TMPO: variants seen among roughly 807,000 people sequenced by gnomAD.
TMPO encodes the protein thymopoietin.
Under a neutral mutation model 45.4 loss-of-function variants are expected in TMPO, and 22 were observed. The observed-to-expected ratio is 0.48, with a 90% confidence interval of 0.35 to 0.69. The LOEUF (loss-of-function observed/expected upper bound fraction) is 0.69. Among genes scored for constraint, TMPO ranks in the 30% least tolerant of loss-of-function variants. The pLI, the probability that TMPO is intolerant of heterozygous loss-of-function variation, is 0.01. For missense variants in TMPO, 512 were observed against 548.8 expected (o/e 0.93, Z 0.67); for synonymous variants, 241 against 204.1 (o/e 1.18, Z -1.54).
rs1877441465 is a variant in TMPO at position 98,534,409 on chromosome 12, G to A, written c.565+2571G>A. 1.9e-6 allele frequency: 3 copies of A among 1,599,056 alleles called. No homozygotes were observed. The Admixed American group carries it at 5.0e-5, about 27-fold the overall frequency. On this transcript the variant is annotated intron_variant, in intron 3 of 8. Coordinates refer to ENST00000556029, the MANE Select transcript of TMPO (RefSeq NM_001032283.3). ...ACTTTATGCCAACATTTTCTTTTCT[G>A]TTAAGGTTGTTTTAGTTTCCAGATA... is the stretch of plus-strand genomic sequence containing the variant.
chr12:98,533,383 G>A, intron 3 of TMPO: 2 of 1,614,188 alleles, frequency 1.2e-6, no homozygotes, highest in Non-Finnish European at 1.7e-6. Context: ...ACTTGCCCAG[G>A]CAATCAGAGA....
chr12:98,515,635 G>T lies in TMPO; in HGVS notation c.-233G>T. ...TGCCTGTAGTGTGTGGGCTGGGGTT[G>T]GTGCGAGCTTCCAGCTTGGCCGCAG... On this transcript the variant is annotated 5_prime_UTR_variant, in exon 1 of 9. Transcript: ENST00000556029. 1.3e-6 allele frequency: 1 copy of T among 745,530 alleles called. No homozygotes were observed. The highest frequency in any genetic ancestry group is 2.1e-6 in the Non-Finnish European group (1 of 468,060). The allele number at this position is 745,530 out of a possible 1,614,324, so 46.2% of individuals were successfully genotyped here. A position where few individuals can be genotyped will look rare whatever the true frequency, so the allele number is the denominator to read the frequency against.
intron 1 of TMPO, among the ~76,000 whole-genome samples, chr12:98,520,262 C>T (rs1186754546): frequency 2.1e-5 from 3 of 143,696 alleles, no homozygotes; most frequent in East Asian, 2.1e-4. Context: ...GCCCGGCCAA[C>T]CATATTTTTC....
At chr12:98,526,303 C>G (rs1876756013) in intron 1 of TMPO, among the ~76,000 whole-genome samples, 1 of 152,108 alleles carries the variant, frequency 6.6e-6, no homozygotes, top group Non-Finnish European at 1.5e-5. Flanking sequence ...GTTTACAGTC[C>G]TGTCTCCTAT....
chr12:98,516,526 C>T (rs1454609986), intron 1 of TMPO: 6 of 1,045,566 alleles, frequency 5.7e-6, no homozygotes, highest in African/African-American at 1.7e-5. Context: ...AGGTTAAGTT[C>T]GAGCGTTTTC....
intron 1 of TMPO, among the ~76,000 whole-genome samples, chr12:98,521,381 G>A (rs1307838768): frequency 6.6e-6 from 1 of 151,882 alleles, no homozygotes; most frequent in Non-Finnish European, 1.5e-5. Flanking sequence ...CAGAGTGCTG[G>A]GATTACAGAC....
chr12:98,529,380 C>A, intron 2 of TMPO, among the ~76,000 whole-genome samples: 1 of 151,828 alleles, frequency 6.6e-6, no homozygotes. Flanking sequence ...ATTAAAAGTA[C>A]CCTTTTGAAA....
chr12:98,548,122 T>C lies in TMPO; in HGVS notation c.*264T>C. Reference sequence around the variant, plus strand: ...CTTTTTGTAGGCTTTATTTTTTTAATGTGGGCATCTTATTTCATTTTTGAA... The same window carrying C: ...CTTTTTGTAGGCTTTATTTTTTTAACGTGGGCATCTTATTTCATTTTTGAA... On this transcript the variant is annotated 3_prime_UTR_variant, in exon 9 of 9. Transcript: ENST00000556029. The C allele has an allele frequency of 2.8e-6, 1 of 353,626 alleles. No individual in the cohort carries two copies. Among genetic ancestry groups the C allele is most frequent in the Non-Finnish European group, 5.1e-6 (1 of 196,400 alleles). The allele number at this position is 353,626 out of a possible 1,614,324, so 21.9% of individuals were successfully genotyped here. A position where few individuals can be genotyped will look rare whatever the true frequency, so the allele number is the denominator to read the frequency against.
At chr12:98,538,595 C>T (rs1877715910) in intron 4 of TMPO, among the ~76,000 whole-genome samples, 1 of 152,088 alleles carries the variant, frequency 6.6e-6, no homozygotes. Flanking sequence ...TCAGGTGATC[C>T]ACCTGCATTG....
intron 1 of TMPO, among the ~76,000 whole-genome samples, chr12:98,523,210 A>G (rs1194268568): frequency 1.3e-5 from 2 of 152,116 alleles, no homozygotes; most frequent in African/African-American, 4.8e-5. Context: ...TAAATCTGAG[A>G]TTTATAAAAT....
rs183033134 is a variant in TMPO, at chr12:98,522,260, C to T, written c.280-5626C>T. Among the ~76,000 whole-genome samples, 344 of 152,326 alleles carry T rather than the reference C, an allele frequency of 2.3e-3. 1 individual carries two copies. Among genetic ancestry groups the T allele is most frequent in the African/African-American group, 7.8e-3 (323 of 41,564 alleles). ...GAATTCCTGGCCTCAAGGGATCCTC[C>T]TGCTTAGGCCTCCCAAAGCGTTGGG... On this transcript the variant is annotated intron_variant, in intron 1 of 8. Transcript: ENST00000556029.
At chr12:98,516,312 C>T (rs941063575) in intron 1 of TMPO, 166 bp downstream of exon 1, 1 of 1,230,900 alleles carries the variant, frequency 8.1e-7, no homozygotes, top group Non-Finnish European at 1.0e-6. Flanking sequence ...CTGCAGGCGC[C>T]GGAGCGGAGA....
chr12:98,524,734 C>T (rs1327661348), intron 1 of TMPO, among the ~76,000 whole-genome samples: 1 of 152,150 alleles, frequency 6.6e-6, no homozygotes, highest in Non-Finnish European at 1.5e-5. Flanking sequence ...GCTGGGATTA[C>T]AGGCATGTGC....
intron 3 of TMPO, chr12:98,532,782 A>G (rs753288084): frequency 6.2e-7 from 1 of 1,613,874 alleles, no homozygotes; most frequent in African/African-American, 1.3e-5. Flanking sequence ...CAGCTCAAAC[A>G]CAGGTAATGC....
Position 98,536,631 on chromosome 12 carries a change from G to A in TMPO, c.566-844G>A, listed in dbSNP as rs142999045. Among the ~76,000 whole-genome samples, 389 of 152,254 alleles carry A rather than the reference G, an allele frequency of 2.6e-3. 5 individuals carry two copies. Among genetic ancestry groups the A allele is most frequent in the African/African-American group, 9.0e-3 (373 of 41,548 alleles). The stretch of plus-strand genomic sequence containing the variant: ...CTTCCAAAGTGCTGGGATTACAAGC[G>A]TGAGCCACCATGCCCTGCCAGGGAT... On this transcript the variant is annotated intron_variant, in intron 3 of 8. Coordinates refer to ENST00000556029, the MANE Select transcript of TMPO (RefSeq NM_001032283.3).
At chr12:98,535,009 T>TAATA in intron 3 of TMPO, 1 of 792,298 alleles carries the variant, frequency 1.3e-6, no homozygotes, top group Non-Finnish European at 1.5e-6. Flanking sequence ...AAAATTTTAT[T>TAATA]AATAGCTAAA....
At chr12:98,527,365 C>T (rs1200773452) in intron 1 of TMPO, among the ~76,000 whole-genome samples, 1 of 146,024 alleles carries the variant, frequency 6.8e-6, no homozygotes, top group African/African-American at 2.5e-5. Flanking sequence ...AAAAAAAAAC[C>T]ACAGGCAAAA....
intron 1 of TMPO, among the ~76,000 whole-genome samples, chr12:98,525,310 A>G (rs1876682060): frequency 6.6e-6 from 1 of 152,210 alleles, no homozygotes; most frequent in South Asian, 2.1e-4. Context: ...ACAGCCGTCT[A>G]TTTAAGATTT....
In TMPO at chr12:98,533,111, A is replaced by G. The variant is rs146158243; in HGVS notation, c.565+1273A>G. 6.2e-7 allele frequency: 1 copy of G among 1,614,162 alleles called. No homozygotes were observed. The highest frequency in any genetic ancestry group is 8.5e-7 in the Non-Finnish European group (1 of 1,180,020). On this transcript the variant is annotated intron_variant, in intron 3 of 8. Coordinates refer to ENST00000556029, the MANE Select transcript of TMPO (RefSeq NM_001032283.3). ...TTTATTTCATGCAAGTCTAGCCATG[A>G]TAGGTGTTTAGAGAAAAGTTCTTCG... is the stretch of plus-strand genomic sequence containing the variant.
Sources: gnomAD v4.1 joint callset for allele counts (sites outside exome capture counted in the v4.1 genomes callset) on GRCh38, gnomAD v4.1.1 for gene constraint, MANE v1.5 for transcripts, NCBI Gene and HGNC (gene_info 2026-07-23, HGNC 2026-07-21) for gene names.